Variants in ABCA12 observed in about 807,000 individuals in gnomAD.
The protein encoded by ABCA12 is glucosylceramide transporter ABCA12.
A neutral mutation model predicts 293.5 loss-of-function variants in ABCA12; 156 were observed. That is an observed-to-expected ratio of 0.53 (90% CI 0.47 to 0.61). The LOEUF is 0.61. Ranked by LOEUF, ABCA12 falls within the 20% of genes least tolerant of loss-of-function variation. ABCA12 has a pLI of 0.00. For synonymous variants in ABCA12, 1,063 were observed against 1,108.0 expected, an observed-to-expected ratio of 0.96 and a Z score of 0.81; for missense variants, 2,797 against 3,090.2, an observed-to-expected ratio of 0.91 and a Z score of 2.25.
intron 23 of ABCA12, among the ~76,000 whole-genome samples, chr2:214,997,159 T>A (rs1414492364): frequency 6.6e-6 from 1 of 152,200 alleles, no homozygotes; most frequent in Non-Finnish European, 1.5e-5. Context: ...ATCAGTAGCA[T>A]AACATGAAAT....
At chr2:215,101,600 C>A (rs1702358189) in intron 2 of ABCA12, among the ~76,000 whole-genome samples, 1 of 152,170 alleles carries the variant, frequency 6.6e-6, no homozygotes, top group Admixed American at 6.6e-5. Flanking sequence ...TTAGTTTGCT[C>A]CATTTTCACT....
At chr2:215,068,499 T>C (rs928248002) in intron 2 of ABCA12, among the ~76,000 whole-genome samples, 1 of 152,162 alleles carries the variant, frequency 6.6e-6, no homozygotes, top group African/African-American at 2.4e-5. Flanking sequence ...TGTAGTTTGC[T>C]GACTCCTGGA....
intron 3 of ABCA12, among the ~76,000 whole-genome samples, chr2:215,056,487 T>C (rs1701423107): frequency 6.6e-6 from 1 of 152,018 alleles, no homozygotes; most frequent in African/African-American, 2.4e-5. Context: ...CAGTGTGACA[T>C]GGTTGCCCAC....
intron 2 of ABCA12, among the ~76,000 whole-genome samples, chr2:215,109,428 A>G (rs1702526625): frequency 6.6e-6 from 1 of 152,200 alleles, no homozygotes; most frequent in African/African-American, 2.4e-5. Context: ...TAACAAACCA[A>G]AAAACTATTT....
chr2:215,110,231 C>G (rs1014751398), intron 2 of ABCA12, among the ~76,000 whole-genome samples: 3 of 152,160 alleles, frequency 2.0e-5, no homozygotes, highest in Admixed American at 1.3e-4. Flanking sequence ...GCACTGTTGG[C>G]TGGGCGCGGT....
At chr2:214,934,433 GA>G (rs971167979) in intron 51 of ABCA12, among the ~76,000 whole-genome samples, 1 of 152,118 alleles carries the variant, frequency 6.6e-6, no homozygotes, top group African/African-American at 2.4e-5. Context: ...AAAAGTTCAT[GA>G]AAACTCCAAA....
intron 20 of ABCA12, among the ~76,000 whole-genome samples, chr2:215,003,879 G>A (rs1383401435): frequency 1.3e-5 from 2 of 152,054 alleles, no homozygotes; most frequent in Non-Finnish European, 2.9e-5. Flanking sequence ...TGTTGGCCAG[G>A]CTGGTCTCGA....
At chr2:215,029,797 T>C (rs905232975) in intron 9 of ABCA12, among the ~76,000 whole-genome samples, 1 of 152,114 alleles carries the variant, frequency 6.6e-6, no homozygotes, top group South Asian at 2.1e-4. Context: ...TTCCCAAGAG[T>C]GCTTACCATA....
chr2:215,024,433 G>A (rs1226768648), intron 11 of ABCA12, among the ~76,000 whole-genome samples: 2 of 152,106 alleles, frequency 1.3e-5, no homozygotes, highest in African/African-American at 4.8e-5. Context: ...TCATTATCCT[G>A]GCTGAAAAAC....
chr2:215,099,422 C>T (rs1035497430), intron 2 of ABCA12, among the ~76,000 whole-genome samples: 7 of 152,300 alleles, frequency 4.6e-5, no homozygotes, highest in Admixed American at 3.3e-4. Context: ...CAGCTGGGCG[C>T]GGTGGCTCAC....
intron 1 of ABCA12, among the ~76,000 whole-genome samples, chr2:215,130,857 C>T (rs929255481): frequency 2.6e-5 from 4 of 151,660 alleles, no homozygotes; most frequent in Admixed American, 1.3e-4. Context: ...CCCCATTCAG[C>T]GTGATGTTGG....
intron 2 of ABCA12, among the ~76,000 whole-genome samples, chr2:215,070,628 T>C (rs1701718875): frequency 6.8e-6 from 1 of 147,058 alleles, no homozygotes; most frequent in African/African-American, 2.5e-5. Flanking sequence ...AGTGAGAACA[T>C]GCGGTGTTTG....
At chr2:214,957,972 A>T (rs1376613190) in intron 41 of ABCA12, among the ~76,000 whole-genome samples, 13 of 152,110 alleles carry the variant, frequency 8.5e-5, no homozygotes, top group Non-Finnish European at 1.5e-5. Context: ...GGATCTTTTT[A>T]AAAATGCATG....
chr2:215,009,290 T>G lies in ABCA12; in HGVS notation c.2472+1041A>C, dbSNP rs11895576. ...GTTAAATGATGAGAACACATGGACA[T>G]AGAGAGGGGAACAGAAGGGTGGAGG... On this transcript the variant is annotated intron_variant, in intron 18 of 52. Coordinates refer to ENST00000272895, the MANE Select transcript of ABCA12 (RefSeq NM_173076.3). 7.3e-5 allele frequency among the ~76,000 whole-genome samples: 11 copies of G among 151,662 alleles called. No individual in the cohort carries two copies. The East Asian group carries it at 1.9e-3, about 27-fold the overall frequency.
chr2:215,105,359 G>C (rs774859194), intron 2 of ABCA12, among the ~76,000 whole-genome samples: 1 of 152,076 alleles, frequency 6.6e-6, no homozygotes, highest in Non-Finnish European at 1.5e-5. Context: ...ATGCATCAAC[G>C]TGGGAGTGAG....
intron 22 of ABCA12, chr2:214,999,839 T>C (rs1347087075): frequency 2.0e-6 from 2 of 984,450 alleles, no homozygotes; most frequent in Non-Finnish European, 2.4e-6. Context: ...ATCTCATTTA[T>C]AACTCTTGAA....
At chr2:214,981,942 T>TTTA (rs200886578) in intron 30 of ABCA12, among the ~76,000 whole-genome samples, 32,811 of 128,406 alleles carry the variant, frequency 0.26, 4,474 homozygotes, top group Non-Finnish European at 0.28. Context: ...GTCAGCTGTT[T>TTTA]TTATTATTAT....
At position 214,951,080 on chromosome 2, in the gene ABCA12, A is replaced by G; in HGVS notation, c.6651T>C (p.Leu2217=). 8.1e-6 allele frequency: 13 copies of G among 1,613,740 alleles called. No individual in the cohort carries two copies. Among genetic ancestry groups the G allele is most frequent in the Non-Finnish European group, 1.0e-5 (12 of 1,179,804 alleles). ...GTGAAGAATTAAATTTTCTGAAGAAAAGCCTAAAAATGGACCCAGTGATTT... is the reference window on the plus strand; with the variant it reads ...GTGAAGAATTAAATTTTCTGAAGAAGAGCCTAAAAATGGACCCAGTGATTT... ...INESLIKKLR[L]FFRKFNSSHV... The change falls in exon 45 of 53, where the codon CTT becomes CTC. Residue 2217 remains leucine, a synonymous_variant. Coordinates refer to ENST00000272895, the MANE Select transcript of ABCA12 (RefSeq NM_173076.3).
intron 9 of ABCA12, among the ~76,000 whole-genome samples, chr2:215,031,107 C>G (rs950664208): frequency 2.6e-5 from 4 of 152,156 alleles, no homozygotes; most frequent in Non-Finnish European, 5.9e-5. Context: ...ACTTCAGGAT[C>G]TGCTTACATT....
Sources: gnomAD v4.1 joint callset for allele counts (sites outside exome capture counted in the v4.1 genomes callset) on GRCh38, gnomAD v4.1.1 for gene constraint, MANE v1.5 for transcripts, NCBI Gene and HGNC (gene_info 2026-07-23, HGNC 2026-07-21) for gene names.